The following CNTNAP2 variants were observed in gnomAD, a reference collection of about 807,000 sequenced individuals.
The protein encoded by CNTNAP2 is contactin associated protein 2.
A neutral mutation model predicts 155.2 loss-of-function variants in CNTNAP2; 98 were observed. The ratio of observed to expected loss-of-function variants is 0.63; its 90% CI spans 0.54 to 0.75. The LOEUF (loss-of-function observed/expected upper bound fraction) is 0.75. CNTNAP2 is among the 30% of genes least tolerant of loss of function. The pLI, the probability that CNTNAP2 is intolerant of heterozygous loss-of-function variation, is 0.00. For missense variants in CNTNAP2, 1,727 were observed against 1,688.1 expected (o/e 1.02, Z -0.40); for synonymous variants, 651 against 631.2 (o/e 1.03, Z -0.47).
At chr7:146,413,926 A>G (rs1398969334) in intron 1 of CNTNAP2, among the ~76,000 whole-genome samples, 1 of 152,208 alleles carries the variant, frequency 6.6e-6, no homozygotes, top group Non-Finnish European at 1.5e-5. Context: ...TGGAAGAATT[A>G]GAGTATTAAC....
intron 1 of CNTNAP2, among the ~76,000 whole-genome samples, chr7:146,478,852 TTG>T: frequency 6.6e-6 from 1 of 152,284 alleles, no homozygotes; most frequent in East Asian, 1.9e-4. Context: ...TAGTTTAATG[TTG>T]TCTTTCCAGT....
intron 1 of CNTNAP2, among the ~76,000 whole-genome samples, chr7:146,721,891 T>TATA (rs1202931748): frequency 1.1e-4 from 9 of 80,274 alleles, no homozygotes; most frequent in East Asian, 5.8e-4. Flanking sequence ...ATATATATAT[T>TATA]TTTTTTTTTT....
intron 1 of CNTNAP2, among the ~76,000 whole-genome samples, chr7:146,221,111 T>C (rs959404286): frequency 6.6e-6 from 1 of 152,220 alleles, no homozygotes; most frequent in African/African-American, 2.4e-5. Context: ...TCACTCCATT[T>C]CTGAATGGAC....
At chr7:146,955,625 G>A (rs193064191) in intron 3 of CNTNAP2, among the ~76,000 whole-genome samples, 1 of 151,998 alleles carries the variant, frequency 6.6e-6, no homozygotes, top group East Asian at 1.9e-4. Context: ...TATTACAGAA[G>A]TATACATTTT....
chr7:147,027,018 CAAAA>C (rs1297907328), intron 3 of CNTNAP2, among the ~76,000 whole-genome samples: 3 of 101,438 alleles, frequency 3.0e-5, no homozygotes, highest in Non-Finnish European at 2.0e-5. Flanking sequence ...AAAAAAAAAA[CAAAA>C]AAAAGAAAAA....
At chr7:146,918,662 A>T (rs778659640) in intron 3 of CNTNAP2, among the ~76,000 whole-genome samples, 19 of 152,202 alleles carry the variant, frequency 1.2e-4, no homozygotes, top group Non-Finnish European at 2.2e-4. Context: ...GTGCCTAGGC[A>T]GTGATCCTTT....
intron 9 of CNTNAP2, among the ~76,000 whole-genome samples, chr7:147,310,678 A>G (rs1479839): frequency 0.49 from 74,591 of 151,960 alleles, 19,494 homozygotes; most frequent in East Asian, 0.73. Context: ...TGCTTTAACA[A>G]AAAGAAAAAG....
intron 3 of CNTNAP2, among the ~76,000 whole-genome samples, chr7:146,935,814 A>G (rs948181679): frequency 6.6e-5 from 10 of 152,186 alleles, no homozygotes; most frequent in Non-Finnish European, 1.3e-4. Context: ...TCAAGCGAGT[A>G]AACTCTTTAT....
At chr7:146,685,463 CA>C (rs2129170638) in intron 1 of CNTNAP2, among the ~76,000 whole-genome samples, 1 of 152,234 alleles carries the variant, frequency 6.6e-6, no homozygotes, top group South Asian at 2.1e-4. Context: ...CAAGCTGGTA[CA>C]GGCTGGTTGA....
chr7:147,699,909 A>T (rs923783416), intron 13 of CNTNAP2, among the ~76,000 whole-genome samples: 9 of 152,114 alleles, frequency 5.9e-5, no homozygotes, highest in African/African-American at 2.2e-4. Flanking sequence ...TATTCTGAAT[A>T]TTTTATATAA....
In CNTNAP2 at chr7:148,318,006, A is replaced by C. The variant is rs141072970; in HGVS notation, c.3475+50880A>C. On this transcript the variant is annotated intron_variant, in intron 21 of 23. Coordinates refer to ENST00000361727, the MANE Select transcript of CNTNAP2 (RefSeq NM_014141.6). ...CTGCCCTGAGCTCATTTCTAAATCC[A>C]TCTTCCTCCAAGGTGGTGGCAAGCA... Among the ~76,000 whole-genome samples, 741 of 152,260 alleles carry C rather than the reference A, an allele frequency of 4.9e-3. 4 individuals are homozygous for C. Among genetic ancestry groups the C allele is most frequent in the Non-Finnish European group, 8.6e-3 (582 of 68,022 alleles).
At chr7:146,934,152 T>C (rs1252074122) in intron 3 of CNTNAP2, among the ~76,000 whole-genome samples, 2 of 151,898 alleles carry the variant, frequency 1.3e-5, no homozygotes, top group African/African-American at 2.4e-5. Context: ...GTATGTTTAT[T>C]GCGGCACTAT....
intron 8 of CNTNAP2, among the ~76,000 whole-genome samples, chr7:147,246,301 T>A (rs1228784836): frequency 6.6e-6 from 1 of 152,098 alleles, no homozygotes; most frequent in Non-Finnish European, 1.5e-5. Context: ...AACCTTTGGT[T>A]CTGTTCAGGC....
At chr7:148,226,969 A>G (rs1027914678) in intron 19 of CNTNAP2, among the ~76,000 whole-genome samples, 9 of 152,178 alleles carry the variant, frequency 5.9e-5, no homozygotes, top group African/African-American at 1.9e-4. Context: ...CTCAAGCCGC[A>G]TTCTTTCCTC....
At position 147,341,127 on chromosome 7, in the gene CNTNAP2, C is replaced by T. The variant is rs1795754947; in HGVS notation, c.1498+40837C>T. On this transcript the variant is annotated intron_variant, in intron 9 of 23. Transcript: ENST00000361727. ...ATATATTTATATTATAAATATAGCTCTAGTTTCTGGGGAGAATATCTGCTC... is the reference window on the plus strand; with the variant it reads ...ATATATTTATATTATAAATATAGCTTTAGTTTCTGGGGAGAATATCTGCTC... Among the ~76,000 whole-genome samples, 5 of 124,858 alleles carry T rather than the reference C, an allele frequency of 4.0e-5. No homozygotes were observed. The South Asian group carries it at 1.1e-3, about 29-fold the overall frequency. The allele number at this position is 124,858 out of a possible 152,430, so 81.9% of individuals were successfully genotyped here.
At chr7:147,337,620 T>C (rs529561703) in intron 9 of CNTNAP2, among the ~76,000 whole-genome samples, 2 of 152,144 alleles carry the variant, frequency 1.3e-5, no homozygotes, top group South Asian at 4.1e-4. Flanking sequence ...AAAGGAGTGA[T>C]TCTAAGGTCT....
At position 146,944,175 on chromosome 7, in the gene CNTNAP2, T is replaced by C. The variant is rs188703674; in HGVS notation, c.403-99732T>C. ...ATTTTATATGTTCCTGACATGGCTA[T>C]TTTTTTCTTAATTTTTCTATATTTC... On this transcript the variant is annotated intron_variant, in intron 3 of 23. Transcript: ENST00000361727. 4.8e-3 allele frequency among the ~76,000 whole-genome samples: 685 copies of C among 143,390 alleles called. 6 individuals carry two copies. Among genetic ancestry groups the C allele is most frequent in the Middle Eastern group, 0.031 (8 of 262 alleles). The allele number at this position is 143,390 out of a possible 152,430, so 94.1% of individuals were successfully genotyped here.
intron 1 of CNTNAP2, among the ~76,000 whole-genome samples, chr7:146,605,171 C>T (rs1264276182): frequency 6.7e-6 from 1 of 150,246 alleles, no homozygotes; most frequent in African/African-American, 2.4e-5. Flanking sequence ...CCTTTCTAAA[C>T]TGAAAGTTCC....
At chr7:146,932,437 C>A (rs866302511) in intron 3 of CNTNAP2, among the ~76,000 whole-genome samples, 1 of 151,942 alleles carries the variant, frequency 6.6e-6, no homozygotes, top group African/African-American at 2.4e-5. Context: ...GGATGTATGG[C>A]AAAATAATAA....
Sources: allele counts gnomAD v4.1 joint callset (sites outside exome capture counted in the v4.1 genomes callset), GRCh38; gene constraint gnomAD v4.1.1; transcripts MANE v1.5; gene names NCBI Gene and HGNC (gene_info 2026-07-23, HGNC 2026-07-21).